Variants in GBP5 observed in about 807,000 individuals in gnomAD.
GBP5 encodes the protein guanylate-binding protein 5.
GBP5 carries 48 observed loss-of-function variants against 58.2 expected under a neutral mutation model. The ratio of observed to expected loss-of-function variants is 0.83; its 90% CI spans 0.65 to 1.05. The LOEUF is 1.05. Ranked by LOEUF, GBP5 falls within the 50% of genes least tolerant of loss-of-function variation. GBP5 has a pLI of 0.00. For synonymous variants in GBP5, 248 were observed against 251.8 expected (o/e 0.98, Z 0.14); for missense variants, 714 against 686.8 (o/e 1.04, Z -0.44).
Position 89,266,488 on chromosome 1 carries a change from T to C in GBP5, c.726A>G (p.Gln242=), listed in dbSNP as rs775507526. The change falls in exon 7 of 12, where the codon CAA becomes CAG. Residue 242 remains glutamine, a synonymous_variant. Coordinates refer to ENST00000370459, the MANE Select transcript of GBP5 (RefSeq NM_052942.5). ...KCFIFDLPAH[Q]KKLAQLETLP... Reference sequence around the variant, plus strand: ...GTGTTTCAAGTTGGGCAAGCTTTTTTTGGTGAGCAGGTAAGTCAAAGATAA... The same window carrying C: ...GTGTTTCAAGTTGGGCAAGCTTTTTCTGGTGAGCAGGTAAGTCAAAGATAA... 6 of 1,614,056 alleles carry C rather than the reference T, an allele frequency of 3.7e-6. No individual in the cohort carries two copies. The highest frequency in any genetic ancestry group is 3.3e-5 in the Admixed American group (2 of 60,008).
intron 2 of GBP5, chr1:89,270,542 C>T (rs916986659): frequency 5.3e-5 from 8 of 152,132 alleles, no homozygotes; most frequent in Non-Finnish European, 1.0e-4. Context: ...AGCTAATGCC[C>T]TGGAAATCAT....
Position 89,269,594 on chromosome 1 carries a change from AT to A in GBP5, c.-19-21del. On this transcript the variant is annotated intron_variant, in intron 2 of 11. Coordinates refer to ENST00000370459, the MANE Select transcript of GBP5 (RefSeq NM_052942.5). ...CTTTGCCTGCAAGGGAACAGATGGG[AT>A]AGGCTGGAATTTCTGGTGTTTGTTT... is the stretch of plus-strand genomic sequence containing the variant. 1 of 1,514,452 alleles carries A rather than the reference AT, an allele frequency of 6.6e-7. No individual in the cohort carries two copies. Among genetic ancestry groups the A allele is most frequent in the African/African-American group, 1.4e-5 (1 of 72,658 alleles). The allele number at this position is 1,514,452 out of a possible 1,614,324, so 93.8% of individuals were successfully genotyped here. A position where few individuals can be genotyped will look rare whatever the true frequency, so the allele number is the denominator to read the frequency against.
rs943515715 is a variant in GBP5 at position 89,258,452 on chromosome 1, A to C, written c.*2252T>G. On this transcript the variant is annotated 3_prime_UTR_variant, in exon 12 of 12. Coordinates refer to ENST00000370459, the MANE Select transcript of GBP5 (RefSeq NM_052942.5). Reference sequence around the variant, plus strand: ...TTTTCTTTATAAATTGCACAGCTTGAAAAGGTAATTGTAGGGTATTGCTAG... The same window carrying C: ...TTTTCTTTATAAATTGCACAGCTTGCAAAGGTAATTGTAGGGTATTGCTAG... Among the ~76,000 whole-genome samples, 1 of 152,222 alleles carries C rather than the reference A, an allele frequency of 6.6e-6. No individual in the cohort carries two copies. The highest frequency in any genetic ancestry group is 1.5e-5 in the Non-Finnish European group (1 of 68,032).
chr1:89,264,261 G>A (rs563233356), intron 8 of GBP5, among the ~76,000 whole-genome samples: 15 of 152,204 alleles, frequency 9.9e-5, no homozygotes, highest in African/African-American at 3.6e-4. Context: ...GTATTTCAGT[G>A]TTTTACTCGG....
At chr1:89,269,693 G>GAA in intron 2 of GBP5, 119 bp from the exon 3 acceptor site, 1 of 551,600 alleles carries the variant, frequency 1.8e-6, no homozygotes. Context: ...TAAGTTTCTG[G>GAA]AAAAAAAAAG....
intron 3 of GBP5, 54 bp downstream of exon 3, chr1:89,269,312 G>C (rs1650347187): frequency 6.5e-7 from 1 of 1,542,052 alleles, no homozygotes; most frequent in Non-Finnish European, 8.9e-7. Flanking sequence ...GTACTGGATG[G>C]TGACTGTGTG....
chr1:89,257,168 G>A lies in GBP5; in HGVS notation c.*3536C>T, dbSNP rs1435085452. Among the ~76,000 whole-genome samples, 1 of 152,160 alleles carries A rather than the reference G, an allele frequency of 6.6e-6. No individual in the cohort carries two copies. Among genetic ancestry groups the A allele is most frequent in the African/African-American group, 2.4e-5 (1 of 41,432 alleles). The stretch of plus-strand genomic sequence containing the variant: ...ATTTATAAAGGAAAAGAGATGTAAT[G>A]GACTTGTAGTTTCACATGGGTGGGG... On this transcript the variant is annotated 3_prime_UTR_variant, in exon 12 of 12. Transcript: ENST00000370459.
In GBP5 at chr1:89,259,874, A is replaced by C. The variant is rs1302196752; in HGVS notation, c.*830T>G. ...ACACAAAACCCCTGCAGACCTACTT[A>C]TACCCCTTAGCCTGTAAGCCCGGTG... On this transcript the variant is annotated 3_prime_UTR_variant, in exon 12 of 12. Coordinates refer to ENST00000370459, the MANE Select transcript of GBP5 (RefSeq NM_052942.5). 1 of 151,966 alleles carries C rather than the reference A, an allele frequency of 6.6e-6. No individual in the cohort carries two copies. The highest frequency in any genetic ancestry group is 2.4e-5 in the African/African-American group (1 of 41,344). The allele number at this position is 151,966 out of a possible 1,614,324, so 9.4% of individuals were successfully genotyped here. A position where few individuals can be genotyped will look rare whatever the true frequency, so the allele number is the denominator to read the frequency against.
chr1:89,267,220 T>C (rs1650256898), intron 5 of GBP5, 67 bp from the exon 6 acceptor site: 1 of 1,356,120 alleles, frequency 7.4e-7, no homozygotes, highest in Non-Finnish European at 1.0e-6. Flanking sequence ...AATTCCATTT[T>C]CCCCCAAACC....
chr1:89,268,659 TA>T, intron 4 of GBP5, 69 bp downstream of exon 4: 1 of 1,538,986 alleles, frequency 6.5e-7, no homozygotes, highest in Non-Finnish European at 9.0e-7. Context: ...TTTAGAAAAA[TA>T]AACCTAAAAT....
intron 10 of GBP5, 35 bp downstream of exon 10, chr1:89,262,644 ATTTC>A: frequency 4.3e-6 from 6 of 1,403,936 alleles, no homozygotes; most frequent in Non-Finnish European, 5.0e-6. Flanking sequence ...AAATTTATAG[ATTTC>A]TTTCTATCTT....
rs1649888987 is a variant in GBP5, at chr1:89,258,956, G to A, written c.*1748C>T. 1 of 151,972 alleles carries A rather than the reference G, an allele frequency of 6.6e-6. No individual in the cohort carries two copies. Among genetic ancestry groups the A allele is most frequent in the African/African-American group, 2.4e-5 (1 of 41,390 alleles). The allele number at this position is 151,972 out of a possible 1,614,324, so 9.4% of individuals were successfully genotyped here. On this transcript the variant is annotated 3_prime_UTR_variant, in exon 12 of 12. Transcript: ENST00000370459. ...ATACAAACAAAGGAACTGATTTATG[G>A]TTTTCCAAAAATGTTTTTATGGTTA...
At chr1:89,263,573 G>C in intron 9 of GBP5, 163 bp downstream of exon 9, 1 of 574,430 alleles carries the variant, frequency 1.7e-6, no homozygotes, top group Non-Finnish European at 3.1e-6. Context: ...ACCAACACCA[G>C]GCACATTGTT....
chr1:89,264,050 G>T, intron 8 of GBP5, 102 bp from the exon 9 acceptor site: 2 of 745,124 alleles, frequency 2.7e-6, no homozygotes, highest in Admixed American at 2.5e-5. Context: ...CAAACTTAGA[G>T]CAAGACACAT....
intron 4 of GBP5, among the ~76,000 whole-genome samples, chr1:89,268,457 G>A (rs1650311563): frequency 6.6e-6 from 1 of 152,118 alleles, no homozygotes; most frequent in Admixed American, 6.5e-5. Context: ...ACAGGATCAG[G>A]CTTGTAACAG....
intron 4 of GBP5, 79 bp downstream of exon 4, chr1:89,268,650 T>G: frequency 1.3e-6 from 2 of 1,492,510 alleles, no homozygotes; most frequent in South Asian, 2.3e-5. Context: ...AACTACAAAT[T>G]TAGAAAAATA....
intron 1 of GBP5, chr1:89,272,083 T>C (rs922410222): frequency 2.6e-5 from 4 of 152,222 alleles, no homozygotes; most frequent in African/African-American, 9.6e-5. Context: ...ATGAAAATAA[T>C]AGCTATCATA....
intron 2 of GBP5, chr1:89,269,843 C>A (rs116050352): frequency 9.2e-6 from 2 of 216,892 alleles, no homozygotes; most frequent in East Asian, 1.0e-4. Context: ...CCATTTCCTG[C>A]GTCTAACCTA....
chr1:89,268,861 CA>C lies in GBP5; in HGVS notation c.191-6del. Reference sequence around the variant, plus strand: ...CCGTAGATGCAACAGAGAAGCCTGTCAGGGGGAGTGAGAGGTTGTAATAGAA... The same window carrying C: ...CCGTAGATGCAACAGAGAAGCCTGTCGGGGGAGTGAGAGGTTGTAATAGAA... On this transcript the variant is annotated splice_polypyrimidine_tract_variant and splice_region_variant and intron_variant, in intron 3 of 11. Coordinates refer to ENST00000370459, the MANE Select transcript of GBP5 (RefSeq NM_052942.5). 9 of 1,613,082 alleles carry C rather than the reference CA, an allele frequency of 5.6e-6. No individual in the cohort carries two copies. Among genetic ancestry groups the C allele is most frequent in the African/African-American group, 1.3e-5 (1 of 74,938 alleles).
Sources: gnomAD v4.1 joint callset for allele counts (sites outside exome capture counted in the v4.1 genomes callset) on GRCh38, gnomAD v4.1.1 for gene constraint, MANE v1.5 for transcripts, NCBI Gene and HGNC (gene_info 2026-07-23, HGNC 2026-07-21) for gene names.